The following ALDH1A2 variants were observed in gnomAD, a reference collection of about 807,000 sequenced individuals.
ALDH1A2 encodes the protein retinal dehydrogenase 2.
In ALDH1A2, 27 loss-of-function variants were observed where a neutral mutation model predicts 60.3. The observed-to-expected ratio is 0.45, with a 90% CI of 0.33 to 0.62. The LOEUF is 0.62. Among genes scored for constraint, ALDH1A2 ranks in the 20% least tolerant of loss-of-function variants. The pLI is 0.02. For missense variants in ALDH1A2, 581 were observed against 643.8 expected (o/e 0.90, Z 1.06); for synonymous variants, 289 against 232.4 (o/e 1.24, Z -2.21).
chr15:57,969,040 C>A (rs924077859), intron 7 of ALDH1A2, among the ~76,000 whole-genome samples: 2 of 152,232 alleles, frequency 1.3e-5, no homozygotes, highest in Non-Finnish European at 2.9e-5. Context: ...TACCTTTCCC[C>A]TTCATCTTTG....
chr15:57,977,199 G>A (rs1178586378), intron 7 of ALDH1A2, among the ~76,000 whole-genome samples: 1 of 151,924 alleles, frequency 6.6e-6, no homozygotes, highest in Non-Finnish European at 1.5e-5. Context: ...CACTCTGTAG[G>A]TTGCCTGTTC....
At chr15:57,999,217 A>G (rs1895174219) in intron 4 of ALDH1A2, among the ~76,000 whole-genome samples, 1 of 152,142 alleles carries the variant, frequency 6.6e-6, no homozygotes, top group Admixed American at 6.6e-5. Flanking sequence ...AATTAAACAA[A>G]AGAGCTTCTG....
In ALDH1A2 at chr15:57,993,734, T is replaced by G. The variant is rs74917819; in HGVS notation, c.556-661A>C. Among the ~76,000 whole-genome samples the G allele has an allele frequency of 4.1e-3, 620 of 152,356 alleles. 3 individuals carry two copies. The highest frequency in any genetic ancestry group is 6.4e-3 in the Non-Finnish European group (433 of 68,036). ...GGTTTAAACTGATTTTAAAAAGATA[T>G]TAAGCTTGTATTGTCATAAGCTCAG... On this transcript the variant is annotated intron_variant, in intron 5 of 12. Coordinates refer to ENST00000249750, the MANE Select transcript of ALDH1A2 (RefSeq NM_003888.4).
rs935089374 is a variant in ALDH1A2, at chr15:58,005,590, A to G, written c.493+5059T>C. Among the ~76,000 whole-genome samples the G allele has an allele frequency of 3.9e-5, 6 of 152,028 alleles. No homozygotes were observed. In the East Asian group the frequency reaches 1.2e-3, roughly 29 times the overall value. On this transcript the variant is annotated intron_variant, in intron 4 of 12. Coordinates refer to ENST00000249750, the MANE Select transcript of ALDH1A2 (RefSeq NM_003888.4). ...CCAAATGGGAATGAGTGAAAGACAT[A>G]ATGGCTTATTTCTTCCCATTCTTTT...
rs1335948862 is a variant in ALDH1A2, at chr15:57,953,776, C to G, written c.*1421G>C. The G allele has an allele frequency of 6.6e-6, 1 of 152,262 alleles. No individual in the cohort carries two copies. Among genetic ancestry groups the G allele is most frequent in the Non-Finnish European group, 1.5e-5 (1 of 68,028 alleles). The allele number at this position is 152,262 out of a possible 1,614,324, so 9.4% of individuals were successfully genotyped here. ...ATACAGAAGGCTATATATATGTTGC[C>G]CATATTCCACATACTCTGGGTTATG... On this transcript the variant is annotated 3_prime_UTR_variant, in exon 13 of 13. Coordinates refer to ENST00000249750, the MANE Select transcript of ALDH1A2 (RefSeq NM_003888.4).
At chr15:57,966,562 C>T (rs1893903307) in intron 7 of ALDH1A2, among the ~76,000 whole-genome samples, 1 of 152,218 alleles carries the variant, frequency 6.6e-6, no homozygotes, top group Non-Finnish European at 1.5e-5. Flanking sequence ...TGGGAGACAG[C>T]CTGCAGCTGT....
chr15:58,028,111 G>A (rs1242113504), intron 1 of ALDH1A2, among the ~76,000 whole-genome samples: 1 of 152,008 alleles, frequency 6.6e-6, no homozygotes, highest in African/African-American at 2.4e-5. Context: ...GATTCACCAA[G>A]GTTGAAATGA....
intron 7 of ALDH1A2, among the ~76,000 whole-genome samples, chr15:57,970,738 A>G (rs1209937559): frequency 6.6e-6 from 1 of 152,174 alleles, no homozygotes; most frequent in East Asian, 1.9e-4. Flanking sequence ...CCTTTTTAAA[A>G]ATGGAAAAAT....
chr15:57,989,089 CAGGG>C (rs1176684917), intron 7 of ALDH1A2, among the ~76,000 whole-genome samples: 3 of 152,298 alleles, frequency 2.0e-5, no homozygotes, highest in Non-Finnish European at 4.4e-5. Flanking sequence ...GCAGCGGTTT[CAGGG>C]AGCCGAGATC....
intron 1 of ALDH1A2, among the ~76,000 whole-genome samples, chr15:58,054,828 A>C (rs1293828102): frequency 1.3e-5 from 2 of 152,188 alleles, no homozygotes; most frequent in African/African-American, 4.8e-5. Context: ...TGAGGATTGA[A>C]AAACATCGTT....
chr15:58,025,579 C>A (rs1382579013), intron 1 of ALDH1A2, among the ~76,000 whole-genome samples: 1 of 152,108 alleles, frequency 6.6e-6, no homozygotes, highest in Non-Finnish European at 1.5e-5. Flanking sequence ...ACCAAACATA[C>A]AAAGAATAAC....
intron 1 of ALDH1A2, among the ~76,000 whole-genome samples, chr15:58,033,619 A>T (rs1259289973): frequency 6.6e-6 from 1 of 151,674 alleles, no homozygotes; most frequent in Non-Finnish European, 1.5e-5. Flanking sequence ...ATGATTTCTC[A>T]ATTAACTCAA....
intron 1 of ALDH1A2, among the ~76,000 whole-genome samples, chr15:58,045,253 G>T (rs1896608996): frequency 6.6e-6 from 1 of 152,016 alleles, no homozygotes; most frequent in Admixed American, 6.6e-5. Context: ...AATAGATGCT[G>T]GAGAGGAGGT....
chr15:57,954,499 T>C lies in ALDH1A2; in HGVS notation c.*698A>G, dbSNP rs1387660452. Reference sequence around the variant, plus strand: ...AAGCTCAGAAGCGGTGAACTGCACATGATGACTTCCAGTCTCTATTGTCCC... The same window carrying C: ...AAGCTCAGAAGCGGTGAACTGCACACGATGACTTCCAGTCTCTATTGTCCC... On this transcript the variant is annotated 3_prime_UTR_variant, in exon 13 of 13. Transcript: ENST00000249750. The C allele has an allele frequency of 6.5e-6, 1 of 154,674 alleles. No homozygotes were observed. The highest frequency in any genetic ancestry group is 2.4e-5 in the African/African-American group (1 of 41,470). 9.6% of individuals were successfully genotyped at this position (154,674 alleles called of 1,614,324 possible).
rs1352291438 is a variant in ALDH1A2 at position 57,955,049 on chromosome 15, T to A, written c.*148A>T. On this transcript the variant is annotated 3_prime_UTR_variant, in exon 13 of 13. Coordinates refer to ENST00000249750, the MANE Select transcript of ALDH1A2 (RefSeq NM_003888.4). ...GTACCCAGCTGGTTTGCTTTAGTTG[T>A]GCAGTGACCTGCCTGGCCTACATGT... The A allele has an allele frequency of 1.1e-6, 1 of 888,092 alleles. No individual in the cohort carries two copies. Among genetic ancestry groups the A allele is most frequent in the Non-Finnish European group, 1.9e-6 (1 of 528,090 alleles). 55.0% of individuals were successfully genotyped at this position (888,092 alleles called of 1,614,324 possible).
At chr15:58,002,111 T>G (rs569435991) in intron 4 of ALDH1A2, among the ~76,000 whole-genome samples, 4 of 151,908 alleles carry the variant, frequency 2.6e-5, no homozygotes, top group Non-Finnish European at 4.4e-5. Context: ...GATACCTGGG[T>G]GCTTTTAATG....
At chr15:57,994,520 C>G (rs1894989814) in intron 5 of ALDH1A2, among the ~76,000 whole-genome samples, 3 of 152,124 alleles carry the variant, frequency 2.0e-5, no homozygotes, top group Admixed American at 2.0e-4. Context: ...AACAAAGGGA[C>G]AATGTTTAAT....
intron 1 of ALDH1A2, among the ~76,000 whole-genome samples, chr15:58,022,417 C>T (rs1325516765): frequency 6.6e-6 from 1 of 152,162 alleles, no homozygotes; most frequent in African/African-American, 2.4e-5. Context: ...ATGCACACTA[C>T]TCAGGATGCA....
At chr15:57,970,509 G>A (rs558263307) in intron 7 of ALDH1A2, among the ~76,000 whole-genome samples, 4 of 152,322 alleles carry the variant, frequency 2.6e-5, no homozygotes, top group African/African-American at 4.8e-5. Flanking sequence ...CGGCAATGTA[G>A]GGGAAAGCAA....
Sources: gnomAD v4.1 joint callset for allele counts (sites outside exome capture counted in the v4.1 genomes callset) on GRCh38, gnomAD v4.1.1 for gene constraint, MANE v1.5 for transcripts, NCBI Gene and HGNC (gene_info 2026-07-23, HGNC 2026-07-21) for gene names.